STPG2: variants seen among roughly 807,000 people sequenced by gnomAD.
STPG2 encodes sperm tail PG-rich repeat containing 2, also known as sperm-tail PG-rich repeat-containing protein 2.
STPG2 carries 56 observed loss-of-function variants against 54.2 expected under a neutral mutation model. That is an observed-to-expected ratio of 1.03 (90% CI 0.83 to 1.29). The LOEUF is 1.29. Among genes scored for constraint, STPG2 ranks in the 50% most tolerant of loss-of-function variants. The probability of loss-of-function intolerance (pLI) is 0.00; values close to 1 mark genes in which losing one functional copy is unlikely to be tolerated. For synonymous variants in STPG2, 200 were observed against 181.8 expected (o/e 1.10, Z -0.81); for missense variants, 596 against 544.9 (o/e 1.09, Z -0.93).
intron 9 of STPG2, among the ~76,000 whole-genome samples, chr4:97,725,166 T>A (rs1724579492): frequency 6.6e-6 from 1 of 152,054 alleles, no homozygotes; most frequent in African/African-American, 2.4e-5. Flanking sequence ...TACTTATTCA[T>A]CCTAAAGTCC....
chr4:97,874,475 C>A lies in STPG2; in HGVS notation c.1045-33543G>T, dbSNP rs949319148. 4.0e-5 allele frequency among the ~76,000 whole-genome samples: 6 copies of A among 151,800 alleles called. No homozygotes were observed. The South Asian group carries it at 1.2e-3, about 31-fold the overall frequency. Reference sequence around the variant, plus strand: ...CAATCAAACAATAAAAATTTTCACCCCTTTTAATAAAAGTTTCCTTATGTT... The same window carrying A: ...CAATCAAACAATAAAAATTTTCACCACTTTTAATAAAAGTTTCCTTATGTT... On this transcript the variant is annotated intron_variant, in intron 8 of 10. Coordinates refer to ENST00000295268, the MANE Select transcript of STPG2 (RefSeq NM_174952.3).
chr4:97,781,109 C>CA (rs879347391), intron 9 of STPG2, among the ~76,000 whole-genome samples: 9 of 151,698 alleles, frequency 5.9e-5, no homozygotes, highest in South Asian at 4.2e-4. Context: ...GATAGAGACA[C>CA]AAAAAAACCC....
At chr4:98,015,188 A>G (rs1406969523) in intron 5 of STPG2, among the ~76,000 whole-genome samples, 2 of 152,222 alleles carry the variant, frequency 1.3e-5, no homozygotes, top group Non-Finnish European at 2.9e-5. Flanking sequence ...AATGGCAACA[A>G]AACCCAAAAT....
intron 4 of STPG2, 128 bp downstream of exon 4, chr4:98,109,065 A>T: frequency 1.9e-6 from 1 of 523,858 alleles, no homozygotes; most frequent in Non-Finnish European, 3.3e-6. Context: ...CATTACACCA[A>T]AATGTAATAC....
intron 5 of STPG2, among the ~76,000 whole-genome samples, chr4:98,021,846 CT>C (rs1376223351): frequency 2.0e-5 from 3 of 151,696 alleles, no homozygotes; most frequent in Non-Finnish European, 2.9e-5. Context: ...CAACCCCTGC[CT>C]TTTTTTGTTT....
chr4:97,899,112 A>T (rs1251402387), intron 8 of STPG2, among the ~76,000 whole-genome samples: 1 of 151,882 alleles, frequency 6.6e-6, no homozygotes, highest in African/African-American at 2.4e-5. Flanking sequence ...CTAATAAACA[A>T]CTACACCAAA....
chr4:97,574,203 G>A lies in STPG2; in HGVS notation c.1321-15086C>T, dbSNP rs111903748. ...AATAATTATGTGTTTAAATAAACTC[G>A]TGAAACCCTCTGTTAAAAAAAAGTC... is the stretch of plus-strand genomic sequence containing the variant. On this transcript the variant is annotated intron_variant, in intron 10 of 10. Transcript: ENST00000295268. Among the ~76,000 whole-genome samples, 73 of 151,952 alleles carry A rather than the reference G, an allele frequency of 4.8e-4. 1 individual carries two copies. The East Asian group carries it at 0.011, about 23-fold the overall frequency.
chr4:97,668,114 T>C (rs1344606433), intron 10 of STPG2, among the ~76,000 whole-genome samples: 1 of 152,166 alleles, frequency 6.6e-6, no homozygotes, highest in Admixed American at 6.6e-5. Context: ...ACTAATTAAA[T>C]ATATTAAAAA....
At chr4:97,554,036 A>C (rs1303819085), downstream of STPG2, among the ~76,000 whole-genome samples, 1 of 151,736 alleles carries the variant, frequency 6.6e-6, no homozygotes, top group Non-Finnish European at 1.5e-5. Flanking sequence ...GTTATCTTTA[A>C]CTCTTCTAAA....
chr4:97,903,583 G>C lies in STPG2; in HGVS notation c.1044+40314C>G, dbSNP rs762735389. Among the ~76,000 whole-genome samples, 11 of 152,196 alleles carry C rather than the reference G, an allele frequency of 7.2e-5. 1 individual carries two copies. Among genetic ancestry groups the C allele is most frequent in the Middle Eastern group, 3.4e-3 (1 of 294 alleles). On this transcript the variant is annotated intron_variant, in intron 8 of 10. Transcript: ENST00000295268. ...CCAATAAAACTCATGTAGTAAGACC[G>C]ATTAACAAAAAAAGAGGGGAAGGAG...
At chr4:97,855,071 A>C (rs965169437) in intron 8 of STPG2, among the ~76,000 whole-genome samples, 9 of 152,190 alleles carry the variant, frequency 5.9e-5, no homozygotes, top group Non-Finnish European at 8.8e-5. Flanking sequence ...GTCCCTGCAA[A>C]GGACATAATC....
At chr4:97,950,547 T>C (rs1002566878) in intron 7 of STPG2, among the ~76,000 whole-genome samples, 1 of 152,224 alleles carries the variant, frequency 6.6e-6, no homozygotes, top group African/African-American at 2.4e-5. Flanking sequence ...TCTCCTTGAA[T>C]ACCTTAGTAA....
chr4:97,813,536 G>A (rs1049602752), intron 9 of STPG2, among the ~76,000 whole-genome samples: 1 of 151,634 alleles, frequency 6.6e-6, no homozygotes, highest in South Asian at 2.1e-4. Context: ...ATTCCATGAA[G>A]TATACAGATT....
At chr4:97,514,097 A>G (rs1486444522) in intron 4 of STPG2, among the ~76,000 whole-genome samples, 1 of 152,166 alleles carries the variant, frequency 6.6e-6, no homozygotes. Context: ...GGTTTATGCA[A>G]GCTTGGAAGG....
At chr4:98,069,482 G>A (rs1010892937) in intron 5 of STPG2, among the ~76,000 whole-genome samples, 3 of 151,942 alleles carry the variant, frequency 2.0e-5, no homozygotes, top group Admixed American at 2.0e-4. Flanking sequence ...TCTGTGTGCT[G>A]GGATATCAGA....
chr4:97,708,862 T>C (rs1724030873), intron 10 of STPG2, among the ~76,000 whole-genome samples: 1 of 151,730 alleles, frequency 6.6e-6, no homozygotes, highest in African/African-American at 2.4e-5. Flanking sequence ...TTTAGACAAG[T>C]GGGTAATCTG....
intron 5 of STPG2, among the ~76,000 whole-genome samples, chr4:98,020,541 T>C (rs974414820): frequency 2.0e-5 from 3 of 152,066 alleles, no homozygotes; most frequent in African/African-American, 7.3e-5. Context: ...ATAAAATGAG[T>C]TAGCGAGGAT....
intron 9 of STPG2, among the ~76,000 whole-genome samples, chr4:97,773,947 C>T (rs985176677): frequency 6.6e-6 from 1 of 151,432 alleles, no homozygotes; most frequent in East Asian, 1.9e-4. Context: ...CCCAGGGCTT[C>T]AAGTCCAACC....
At chr4:97,671,331 G>A (rs993017586) in intron 10 of STPG2, among the ~76,000 whole-genome samples, 3 of 152,116 alleles carry the variant, frequency 2.0e-5, no homozygotes, top group African/African-American at 7.2e-5. Flanking sequence ...ATTCTTGGGT[G>A]GATTATACAG....
Sources: gnomAD v4.1 joint callset for allele counts (sites outside exome capture counted in the v4.1 genomes callset) on GRCh38, gnomAD v4.1.1 for gene constraint, MANE v1.5 for transcripts, NCBI Gene and HGNC (gene_info 2026-07-23, HGNC 2026-07-21) for gene names.